Variants in ANK3 observed in about 807,000 individuals in gnomAD.
ANK3 encodes ankyrin 3, also known as ankyrin-3.
A neutral mutation model predicts 370.9 loss-of-function variants in ANK3; 57 were observed. The ratio of observed to expected loss-of-function variants is 0.15; its 90% CI spans 0.12 to 0.19. ANK3 has a LOEUF of 0.19. ANK3 is among the 10% of genes least tolerant of loss of function. The pLI is 1.00. For missense variants in ANK3, 4,439 were observed against 5,302.1 expected, an observed-to-expected ratio of 0.84 and a Z score of 5.06; for synonymous variants, 1,929 against 1,946.3, an observed-to-expected ratio of 0.99 and a Z score of 0.23.
intron 2 of ANK3, among the ~76,000 whole-genome samples, chr10:60,539,447 A>T (rs2076796856): frequency 1.3e-5 from 2 of 151,952 alleles, no homozygotes; most frequent in African/African-American, 4.8e-5. Flanking sequence ...TTCTAGAATG[A>T]GCTCCATTGT....
At chr10:60,492,877 C>A (rs1408236580) in intron 2 of ANK3, among the ~76,000 whole-genome samples, 2 of 150,090 alleles carry the variant, frequency 1.3e-5, no homozygotes, top group African/African-American at 4.9e-5. Flanking sequence ...GAGATCGAGA[C>A]CATCCTGGTT....
intron 30 of ANK3, among the ~76,000 whole-genome samples, chr10:60,085,861 C>T (rs1264229589): frequency 2.6e-5 from 4 of 152,120 alleles, no homozygotes; most frequent in African/African-American, 7.2e-5. Context: ...GGTGATCCAC[C>T]GCCTTGGCTT....
chr10:60,625,225 T>C (rs909040820), intron 1 of ANK3, among the ~76,000 whole-genome samples: 1 of 151,904 alleles, frequency 6.6e-6, no homozygotes, highest in Non-Finnish European at 1.5e-5. Flanking sequence ...AGAAGACATC[T>C]TGGACGTGCA....
intron 42 of ANK3, chr10:60,043,283 G>T: frequency 2.0e-6 from 2 of 985,422 alleles, no homozygotes; most frequent in Non-Finnish European, 2.4e-6. Context: ...TTCCCCGAGA[G>T]CAAGGTTGTG....
At chr10:60,056,693 A>G (rs1445507736) in intron 41 of ANK3, among the ~76,000 whole-genome samples, 1 of 152,150 alleles carries the variant, frequency 6.6e-6, no homozygotes, top group East Asian at 1.9e-4. Flanking sequence ...ATCTTAAAGG[A>G]GAAGAGATTT....
chr10:60,253,443 G>A (rs1200668897), intron 7 of ANK3, among the ~76,000 whole-genome samples: 1 of 152,178 alleles, frequency 6.6e-6, no homozygotes, highest in Non-Finnish European at 1.5e-5. Flanking sequence ...AGATGTCAAT[G>A]AATTCAAGTA....
At chr10:60,032,314 C>A (rs2073865628) in intron 43 of ANK3, among the ~76,000 whole-genome samples, 1 of 146,762 alleles carries the variant, frequency 6.8e-6, no homozygotes, top group African/African-American at 2.5e-5. Flanking sequence ...TCAAGCAATT[C>A]TCCTGTCTCA....
chr10:60,201,271 G>A (rs377319053), intron 12 of ANK3, among the ~76,000 whole-genome samples: 5 of 152,186 alleles, frequency 3.3e-5, no homozygotes, highest in African/African-American at 1.2e-4. Context: ...TCAGAAGCTG[G>A]CCTATTTCTA....
At chr10:60,401,719 G>C (rs72806150) in intron 2 of ANK3, among the ~76,000 whole-genome samples, 1 of 152,150 alleles carries the variant, frequency 6.6e-6, no homozygotes, top group Non-Finnish European at 1.5e-5. Flanking sequence ...TATTCCATGT[G>C]ATGTACATGT....
chr10:60,119,423 C>A (rs1301309423), intron 25 of ANK3, among the ~76,000 whole-genome samples: 1 of 152,140 alleles, frequency 6.6e-6, no homozygotes, highest in African/African-American at 2.4e-5. Context: ...ACAGTACTAA[C>A]AAAAAAACTT....
At chr10:60,216,065 T>A (rs1380745766) in intron 8 of ANK3, among the ~76,000 whole-genome samples, 1 of 152,150 alleles carries the variant, frequency 6.6e-6, no homozygotes, top group Non-Finnish European at 1.5e-5. Flanking sequence ...GTCCTTCACA[T>A]CCCTTGTTGG....
chr10:60,454,119 T>C (rs2064683236), intron 2 of ANK3, among the ~76,000 whole-genome samples: 1 of 152,040 alleles, frequency 6.6e-6, no homozygotes, highest in Non-Finnish European at 1.5e-5. Flanking sequence ...CACAAGGAAC[T>C]GGATGCTTCC....
intron 28 of ANK3, among the ~76,000 whole-genome samples, chr10:60,100,234 G>GTTTTTTTGTTTT (rs2090968569): frequency 1.7e-5 from 1 of 57,898 alleles, no homozygotes; most frequent in Non-Finnish European, 2.8e-5. Flanking sequence ...TTTTGCTATG[G>GTTTTTTTGTTTT]TTTTTTTTTT....
intron 2 of ANK3, among the ~76,000 whole-genome samples, chr10:60,594,933 A>G (rs893634234): frequency 7.2e-5 from 11 of 152,120 alleles, no homozygotes; most frequent in Non-Finnish European, 1.3e-4. Flanking sequence ...TAGCAATTTC[A>G]GGCTGATTCT....
At position 60,071,017 on chromosome 10, in the gene ANK3, A is replaced by G; in HGVS notation, c.9864T>C (p.Asp3288=). The G allele has an allele frequency of 8.7e-6, 14 of 1,614,090 alleles. No homozygotes were observed. Among genetic ancestry groups the G allele is most frequent in the Non-Finnish European group, 1.2e-5 (14 of 1,180,004 alleles). Residue 3288 remains aspartate (D), a synonymous_variant, in exon 37 of 44, where the codon GAT becomes GAC. Coordinates refer to ENST00000280772, the MANE Select transcript of ANK3 (RefSeq NM_020987.5). ...CAGCCAGCTGGTACTTGTCATGCTC[A>G]TCTTGCAGATTGACTTCAATCATGT... The part of the protein sequence containing the change: ...EVDMIEVNLQ[D]EHDKYQLAEP...
At chr10:60,306,083 GAGTAA>G (rs1373718034) in intron 1 of ANK3, among the ~76,000 whole-genome samples, 2 of 151,898 alleles carry the variant, frequency 1.3e-5, no homozygotes, top group Non-Finnish European at 1.5e-5. Context: ...ATGGTTTTTG[GAGTAA>G]AGGTGGTTTT....
At chr10:60,555,644 C>T (rs2077189838) in intron 2 of ANK3, among the ~76,000 whole-genome samples, 1 of 152,020 alleles carries the variant, frequency 6.6e-6, no homozygotes, top group Admixed American at 6.6e-5. Context: ...TCTAAATCTT[C>T]AATATTGTAG....
chr10:60,722,653 C>A (rs1386174920), intron 1 of ANK3, among the ~76,000 whole-genome samples: 1 of 152,030 alleles, frequency 6.6e-6, no homozygotes, highest in Non-Finnish European at 1.5e-5. Flanking sequence ...ATATAACCCC[C>A]AACGTTGGAG....
At chr10:60,141,701 C>A (rs2094577585) in intron 23 of ANK3, among the ~76,000 whole-genome samples, 1 of 147,716 alleles carries the variant, frequency 6.8e-6, no homozygotes, top group Admixed American at 6.9e-5. Flanking sequence ...CACATCTATC[C>A]CCTTGGAATG....
Sources: allele counts gnomAD v4.1 joint callset (sites outside exome capture counted in the v4.1 genomes callset), GRCh38; gene constraint gnomAD v4.1.1; transcripts MANE v1.5; gene names NCBI Gene and HGNC (gene_info 2026-07-23, HGNC 2026-07-21).